The following CAPZA1 variants were observed in gnomAD, a reference collection of about 807,000 sequenced individuals.
CAPZA1 encodes F-actin-capping protein subunit alpha-1.
Under a neutral mutation model 40.8 loss-of-function variants are expected in CAPZA1, and 10 were observed. The observed-to-expected ratio is 0.25, with a 90% CI of 0.15 to 0.42. The LOEUF is 0.42. Among genes scored for constraint, CAPZA1 ranks in the 10% least tolerant of loss-of-function variants. The pLI is 1.00. For missense variants in CAPZA1, 277 were observed against 353.8 expected, an observed-to-expected ratio of 0.78 and a Z score of 1.74; for synonymous variants, 98 against 115.0, an observed-to-expected ratio of 0.85 and a Z score of 0.95.
intron 1 of CAPZA1, 139 bp downstream of exon 1, chr1:112,620,022 G>C: frequency 1.5e-6 from 1 of 666,202 alleles, no homozygotes; most frequent in Non-Finnish European, 2.6e-6. Context: ...CCGCAGTCGG[G>C]ACGCTTCCCT....
intron 7 of CAPZA1, among the ~76,000 whole-genome samples, chr1:112,663,316 G>GA (rs1439368031): frequency 1.3e-5 from 2 of 151,920 alleles, no homozygotes; most frequent in Admixed American, 6.6e-5. Flanking sequence ...TTTTTTTAAT[G>GA]AAAAAACAAA....
At chr1:112,656,420 G>A (rs1451001994) in intron 5 of CAPZA1, among the ~76,000 whole-genome samples, 1 of 139,682 alleles carries the variant, frequency 7.2e-6, no homozygotes, top group Non-Finnish European at 1.5e-5. Flanking sequence ...TGAATGTTAG[G>A]CTAGGTGTCA....
intron 1 of CAPZA1, among the ~76,000 whole-genome samples, chr1:112,638,979 T>C (rs1292288838): frequency 7.1e-6 from 1 of 141,452 alleles, no homozygotes; most frequent in East Asian, 1.9e-4. Flanking sequence ...GAGAGAATAA[T>C]TTATATAATA....
At chr1:112,637,403 A>G (rs530621461) in intron 1 of CAPZA1, among the ~76,000 whole-genome samples, 1 of 152,372 alleles carries the variant, frequency 6.6e-6, no homozygotes, top group African/African-American at 2.4e-5. Context: ...TTGACAAACT[A>G]TGGCCAGTGG....
intron 7 of CAPZA1, among the ~76,000 whole-genome samples, chr1:112,660,329 G>T (rs1467331575): frequency 6.6e-6 from 1 of 152,184 alleles, no homozygotes; most frequent in East Asian, 1.9e-4. Flanking sequence ...GCCCAGGCTG[G>T]AGGTGCAATG....
At chr1:112,623,998 T>C (rs1251364056) in intron 1 of CAPZA1, among the ~76,000 whole-genome samples, 1 of 86,986 alleles carries the variant, frequency 1.1e-5, no homozygotes, top group African/African-American at 4.7e-5. Context: ...AGAGCAAGAC[T>C]CCATCTCAAA....
At chr1:112,633,061 T>G (rs1294713044) in intron 1 of CAPZA1, among the ~76,000 whole-genome samples, 2 of 152,220 alleles carry the variant, frequency 1.3e-5, no homozygotes, top group African/African-American at 4.8e-5. Context: ...TTTAGTTTAT[T>G]TAGAATTTTA....
At position 112,654,641 on chromosome 1, in the gene CAPZA1, G is replaced by A. The variant is rs1452391731; in HGVS notation, c.396G>A (p.Val132=). The change falls in exon 5 of 10, where the codon GTG becomes GTA. Residue 132 remains valine (V), a synonymous_variant. Coordinates refer to ENST00000263168, the MANE Select transcript of CAPZA1 (RefSeq NM_006135.3). ...ESCDSALRAY[V]KDHYSNGFCT... is the part of the protein sequence containing the mutation. ...GTGACAGTGCTTTAAGAGCCTATGT[G>A]AAAGACCATTATTCCAACGGCTTCT... 6.2e-7 allele frequency: 1 copy of A among 1,612,748 alleles called. No individual in the cohort carries two copies. The highest frequency in any genetic ancestry group is 8.5e-7 in the Non-Finnish European group (1 of 1,179,310).
intron 1 of CAPZA1, among the ~76,000 whole-genome samples, chr1:112,639,210 T>C (rs551504815): frequency 1.3e-5 from 2 of 152,246 alleles, no homozygotes; most frequent in African/African-American, 4.8e-5. Flanking sequence ...TAATGATAAC[T>C]ACATTATTTT....
In CAPZA1 at chr1:112,670,214, A is replaced by G. The variant is rs1671801627; in HGVS notation, c.*82A>G. 3 of 1,524,786 alleles carry G rather than the reference A, an allele frequency of 2.0e-6. No individual in the cohort carries two copies. In the African/African-American group the frequency reaches 4.1e-5, roughly 21 times the overall value. 94.5% of individuals were successfully genotyped at this position (1,524,786 alleles called of 1,614,324 possible). ...TATGATAAATAAGTGATTTATAAAC[A>G]AGAGTGATATTTTGCTAGGGCTTTC... is the stretch of plus-strand genomic sequence containing the variant. On this transcript the variant is annotated 3_prime_UTR_variant, in exon 10 of 10. Coordinates refer to ENST00000263168, the MANE Select transcript of CAPZA1 (RefSeq NM_006135.3).
intron 1 of CAPZA1, among the ~76,000 whole-genome samples, chr1:112,638,746 C>A (rs1384333962): frequency 6.6e-6 from 1 of 151,468 alleles, no homozygotes; most frequent in Non-Finnish European, 1.5e-5. Flanking sequence ...ACCAGCCTGG[C>A]CAACATGGTG....
chr1:112,620,943 A>G lies in CAPZA1; in HGVS notation c.39+1060A>G, dbSNP rs1017998696. The G allele has an allele frequency of 2.6e-5, 4 of 152,234 alleles. No individual in the cohort carries two copies. The South Asian group carries it at 6.2e-4, about 24-fold the overall frequency. The allele number at this position is 152,234 out of a possible 1,614,324, so 9.4% of individuals were successfully genotyped here. On this transcript the variant is annotated intron_variant, in intron 1 of 9. Transcript: ENST00000263168. ...ATGACATTTGTCTCCCACTGTGGCT[A>G]TTAGAAAATGTGTCCCCTTGAGTGC...
Position 112,670,215 on chromosome 1 carries a change from A to G in CAPZA1, c.*83A>G. The G allele has an allele frequency of 6.6e-7, 1 of 1,523,068 alleles. No individual in the cohort carries two copies. The highest frequency in any genetic ancestry group is 1.8e-5 in the Admixed American group (1 of 56,186). The allele number at this position is 1,523,068 out of a possible 1,614,324, so 94.3% of individuals were successfully genotyped here. Reference sequence around the variant, plus strand: ...ATGATAAATAAGTGATTTATAAACAAGAGTGATATTTTGCTAGGGCTTTCA... The same window carrying G: ...ATGATAAATAAGTGATTTATAAACAGGAGTGATATTTTGCTAGGGCTTTCA... On this transcript the variant is annotated 3_prime_UTR_variant, in exon 10 of 10. Transcript: ENST00000263168.
rs1671798883 is a variant in CAPZA1, at chr1:112,670,042, C to T, written c.771C>T (p.Ala257=). 1.9e-6 allele frequency: 3 copies of T among 1,613,896 alleles called. No individual in the cohort carries two copies. The highest frequency in any genetic ancestry group is 2.5e-6 in the Non-Finnish European group (3 of 1,179,820). The change falls in exon 10 of 10, where the codon GCC becomes GCT. Residue 257 remains alanine, a synonymous_variant. Transcript: ENST00000263168. ...CAATGTCAGATACCACATTCAAGGC[C>T]TTGCGCCGGCAGCTTCCAGTTACCC... is the stretch of plus-strand genomic sequence containing the variant. ...YQTMSDTTFK[A]LRRQLPVTRT... is the part of the protein sequence containing the mutation.
At chr1:112,623,655 T>C (rs1390928288) in intron 1 of CAPZA1, among the ~76,000 whole-genome samples, 16 of 139,776 alleles carry the variant, frequency 1.1e-4, no homozygotes, top group African/African-American at 4.3e-4. Flanking sequence ...CACTCCAGCC[T>C]GGGCAACAGG....
intron 1 of CAPZA1, among the ~76,000 whole-genome samples, chr1:112,642,202 C>CTTTTTT (rs770352173): frequency 1.0e-4 from 6 of 59,008 alleles, no homozygotes; most frequent in East Asian, 6.0e-4. Flanking sequence ...TACCCCGCAC[C>CTTTTTT]TTTTTTTTTT....
At chr1:112,654,433 A>G (rs773924257) in intron 4 of CAPZA1, 32 bp from the exon 5 acceptor site, 7 of 1,419,212 alleles carry the variant, frequency 4.9e-6, no homozygotes, top group East Asian at 2.3e-5. Context: ...TCTTTTTTAC[A>G]GTTACTCATA....
rs1671553882 is a variant in CAPZA1, at chr1:112,659,099, C to T, written c.504C>T (p.Phe168=). The T allele has an allele frequency of 1.2e-6, 2 of 1,604,742 alleles. No homozygotes were observed. Among genetic ancestry groups the T allele is most frequent in the Non-Finnish European group, 8.5e-7 (1 of 1,171,834 alleles). ...GCCACCAGTTTCAGCCTAAAAACTTCTGGTAAGAAGTAGATATTCTCTTCT... is the reference window on the plus strand; with the variant it reads ...GCCACCAGTTTCAGCCTAAAAACTTTTGGTAAGAAGTAGATATTCTCTTCT... The part of the protein sequence containing the change: ...IESHQFQPKN[F]WNGRWRSEWK... Residue 168 remains phenylalanine, a splice_region_variant and synonymous_variant, in exon 6 of 10, where the codon TTC becomes TTT. Coordinates refer to ENST00000263168, the MANE Select transcript of CAPZA1 (RefSeq NM_006135.3).
chr1:112,642,851 A>G (rs1013781473), intron 1 of CAPZA1, among the ~76,000 whole-genome samples: 2 of 152,216 alleles, frequency 1.3e-5, no homozygotes, highest in Non-Finnish European at 2.9e-5. Context: ...TCAGTTTGGT[A>G]ATTTTATTAT....
Sources: gnomAD v4.1 joint callset for allele counts (sites outside exome capture counted in the v4.1 genomes callset) on GRCh38, gnomAD v4.1.1 for gene constraint, MANE v1.5 for transcripts, NCBI Gene and HGNC (gene_info 2026-07-23, HGNC 2026-07-21) for gene names.